Variants in CDC123 observed in about 807,000 individuals in gnomAD.
CDC123 encodes the protein translation initiation factor eIF2 assembly protein.
CDC123 carries 37 observed loss-of-function variants against 54.4 expected under a neutral mutation model. That is an observed-to-expected ratio of 0.68 (90% CI 0.52 to 0.89). The LOEUF is 0.89. Among genes scored for constraint, CDC123 ranks in the 40% least tolerant of loss-of-function variants. The pLI, the probability that CDC123 is intolerant of heterozygous loss-of-function variation, is 0.00. For synonymous variants in CDC123, 144 were observed against 136.8 expected, an observed-to-expected ratio of 1.05 and a Z score of -0.37; for missense variants, 361 against 412.1, an observed-to-expected ratio of 0.88 and a Z score of 1.07.
At chr10:12,209,901 C>T in intron 2 of CDC123, 66 bp from the exon 3 acceptor site, 1 of 1,462,742 alleles carries the variant, frequency 6.8e-7, no homozygotes, top group Non-Finnish European at 9.6e-7. Context: ...ACTCAGTACC[C>T]CTGAAATTAG....
At position 12,238,871 on chromosome 10, in the gene CDC123, A is replaced by G. The variant is rs372163377; in HGVS notation, c.717+386A>G. Among the ~76,000 whole-genome samples, 7 of 152,102 alleles carry G rather than the reference A, an allele frequency of 4.6e-5. No homozygotes were observed. In the East Asian group the frequency reaches 1.4e-3, roughly 29 times the overall value. On this transcript the variant is annotated intron_variant, in intron 10 of 12. Transcript: ENST00000281141. The stretch of plus-strand genomic sequence containing the variant: ...TCCGTCTCTACTAAAAATACAAAAA[A>G]ATGAGCCAGGCATGGTGGTGGGTGC...
intron 10 of CDC123, chr10:12,244,628 G>GTTTTTTT (rs112808625): frequency 7.2e-6 from 1 of 139,826 alleles, no homozygotes; most frequent in Non-Finnish European, 1.5e-5. Flanking sequence ...GGTTGGGGTG[G>GTTTTTTT]TTTTTTTTTT....
Position 12,196,202 on chromosome 10 carries a change from G to A in CDC123, c.-44G>A. 6.2e-7 allele frequency: 1 copy of A among 1,613,548 alleles called. No individual in the cohort carries two copies. The highest frequency in any genetic ancestry group is 8.5e-7 in the Non-Finnish European group (1 of 1,179,902). ...GGCCGGCGCCCAGAGTTCCGGGAGG[G>A]TGCAGGCAGGAGAGGGAAAGGCAGC... On this transcript the variant is annotated 5_prime_UTR_variant, in exon 1 of 13. The change creates a new upstream start codon in the 5' untranslated region. Transcript: ENST00000281141.
At chr10:12,240,828 C>T (rs11257611) in intron 10 of CDC123, among the ~76,000 whole-genome samples, 10,358 of 152,228 alleles carry the variant, frequency 0.068, 559 homozygotes, top group East Asian at 0.16. Flanking sequence ...CATGATCATA[C>T]ATGTCATGCC....
intron 10 of CDC123, chr10:12,244,606 A>C (rs1310524417): frequency 6.9e-6 from 1 of 144,656 alleles, no homozygotes; most frequent in Non-Finnish European, 1.5e-5. Context: ...CAAGGTAGAC[A>C]TTTCTTTCAG....
At chr10:12,218,395 A>C (rs1028131535) in intron 6 of CDC123, among the ~76,000 whole-genome samples, 1 of 151,340 alleles carries the variant, frequency 6.6e-6, no homozygotes, top group Non-Finnish European at 1.5e-5. Context: ...ATGCACCACC[A>C]CACCCGGCTA....
At chr10:12,215,023 G>C (rs914543683) in intron 4 of CDC123, among the ~76,000 whole-genome samples, 8 of 151,992 alleles carry the variant, frequency 5.3e-5, no homozygotes, top group African/African-American at 1.9e-4. Flanking sequence ...AGTGACCTAG[G>C]CTCAAGGCAG....
At chr10:12,209,924 C>T (rs371371786) in intron 2 of CDC123, 43 bp from the exon 3 acceptor site, 824 of 1,596,408 alleles carry the variant, frequency 5.2e-4, no homozygotes, top group Non-Finnish European at 6.5e-4. Context: ...GCATGCGGTG[C>T]CCAAGTCCTT....
chr10:12,226,115 A>G (rs1027747888), intron 6 of CDC123, among the ~76,000 whole-genome samples: 1 of 152,066 alleles, frequency 6.6e-6, no homozygotes, highest in African/African-American at 2.4e-5. Context: ...AGGCAGAAGA[A>G]TTTTTCTTAG....
chr10:12,203,306 C>G (rs189644664), intron 2 of CDC123, among the ~76,000 whole-genome samples: 9 of 152,316 alleles, frequency 5.9e-5, no homozygotes, highest in Non-Finnish European at 1.0e-4. Context: ...GTCTTGTTTA[C>G]AGTTAGAATT....
chr10:12,230,899 T>G (rs771122149), intron 6 of CDC123, 49 bp from the exon 7 acceptor site: 1 of 1,547,044 alleles, frequency 6.5e-7, no homozygotes, highest in African/African-American at 1.4e-5. Flanking sequence ...GTGCATAAAC[T>G]GGCACCAGTA....
At chr10:12,223,853 T>G (rs1835769580) in intron 6 of CDC123, among the ~76,000 whole-genome samples, 1 of 152,210 alleles carries the variant, frequency 6.6e-6, no homozygotes, top group African/African-American at 2.4e-5. Flanking sequence ...ACTATGTATT[T>G]CCCCCTGTAT....
At chr10:12,202,266 C>G (rs150049586) in intron 2 of CDC123, among the ~76,000 whole-genome samples, 216 of 152,292 alleles carry the variant, frequency 1.4e-3, no homozygotes, top group African/African-American at 5.1e-3. Context: ...TTTCTCTTGT[C>G]CCTTTCTTAG....
rs778582325 is a variant in CDC123 at position 12,246,155 on chromosome 10, G to C, written c.724G>C (p.Val242Leu). ...FDIYRDSRGKVWLIDFNPFGE... is the reference protein window; with the variant it reads ...FDIYRDSRGKLWLIDFNPFGE... ...TTCTCTCTCTGTGCTACAGGGGAAG[G>C]TGTGGCTCATTGACTTTAATCCATT... The change falls in exon 11 of 13, where the codon GTG (valine) becomes CTG (leucine). Residue 242 changes from valine to leucine, a missense_variant. Coordinates refer to ENST00000281141, the MANE Select transcript of CDC123 (RefSeq NM_006023.3). 1 of 1,613,826 alleles carries C rather than the reference G, an allele frequency of 6.2e-7. No individual in the cohort carries two copies. The highest frequency in any genetic ancestry group is 1.3e-5 in the African/African-American group (1 of 74,932).
At chr10:12,248,797 C>T (rs1836195012) in intron 11 of CDC123, among the ~76,000 whole-genome samples, 1 of 114,268 alleles carries the variant, frequency 8.8e-6, no homozygotes, top group Admixed American at 9.2e-5. Context: ...AAGAGTAAAA[C>T]TTCGTCTAAA....
At chr10:12,206,802 C>T (rs1032041617) in intron 2 of CDC123, among the ~76,000 whole-genome samples, 22 of 151,662 alleles carry the variant, frequency 1.5e-4, no homozygotes, top group Non-Finnish European at 2.8e-4. Flanking sequence ...ACTAAAAATG[C>T]AAAAAAATTA....
At chr10:12,247,681 C>T (rs1836173865) in intron 11 of CDC123, 1 of 152,390 alleles carries the variant, frequency 6.6e-6, no homozygotes, top group Non-Finnish European at 1.5e-5. Context: ...CACCCAGCCA[C>T]TCTCTCCTTT....
In CDC123 at chr10:12,202,104, A is replaced by C. The variant is rs1239252869; in HGVS notation, c.146+3328A>C. 7.9e-5 allele frequency among the ~76,000 whole-genome samples: 12 copies of C among 152,328 alleles called. No homozygotes were observed. The South Asian group carries it at 2.3e-3, about 29-fold the overall frequency. On this transcript the variant is annotated intron_variant, in intron 2 of 12. Coordinates refer to ENST00000281141, the MANE Select transcript of CDC123 (RefSeq NM_006023.3). ...GGTTAGGTTACTTCTACAGATAAAA[A>C]CTTGAAAATTTTAAGTATAATTTAA...
intron 2 of CDC123, among the ~76,000 whole-genome samples, chr10:12,209,496 A>ACGTGCTG (rs1835567325): frequency 6.6e-6 from 1 of 152,128 alleles, no homozygotes; most frequent in African/African-American, 2.4e-5. Flanking sequence ...CAGCCTCTCA[A>ACGTGCTG]AGTGCTGAAA....
Sources: allele counts gnomAD v4.1 joint callset (sites outside exome capture counted in the v4.1 genomes callset), GRCh38; gene constraint gnomAD v4.1.1; transcripts MANE v1.5; gene names NCBI Gene and HGNC (gene_info 2026-07-23, HGNC 2026-07-21).